Variants in PPT1 observed in about 807,000 individuals in gnomAD.
The protein encoded by PPT1 is palmitoyl-protein thioesterase 1, also known as ceroid-palmitoyl-palmitoyl-protein thioesterase 1.
Under a neutral mutation model 44.0 loss-of-function variants are expected in PPT1, and 24 were observed. The ratio of observed to expected loss-of-function variants is 0.54; its 90% CI spans 0.39 to 0.77. PPT1 has a LOEUF of 0.77. PPT1 is among the 30% of genes least tolerant of loss of function. The probability of loss-of-function intolerance (pLI) is 0.00; values close to 1 mark genes in which losing one functional copy is unlikely to be tolerated. For missense variants in PPT1, 341 were observed against 378.8 expected, an observed-to-expected ratio of 0.90 and a Z score of 0.83; for synonymous variants, 148 against 140.2, an observed-to-expected ratio of 1.06 and a Z score of -0.39.
At chr1:40,085,193 A>G (rs1215563286) in intron 5 of PPT1, among the ~76,000 whole-genome samples, 1 of 152,182 alleles carries the variant, frequency 6.6e-6, no homozygotes, top group Admixed American at 6.5e-5. Flanking sequence ...CCTTTTAGAT[A>G]GCAGTAGCAA....
At chr1:40,097,042 C>T (rs907585083) in intron 1 of PPT1, 73 bp downstream of exon 1, 9 of 1,613,216 alleles carry the variant, frequency 5.6e-6, no homozygotes, top group Non-Finnish European at 7.6e-6. Context: ...TCTACACCCG[C>T]ATTTTGCAGA....
At chr1:40,085,910 T>C (rs538759152) in intron 5 of PPT1, among the ~76,000 whole-genome samples, 66 of 152,320 alleles carry the variant, frequency 4.3e-4, no homozygotes, top group African/African-American at 1.6e-3. Flanking sequence ...ACTCTCTAAC[T>C]TTTTTGAATG....
chr1:40,085,979 G>C (rs1649238642), intron 5 of PPT1, among the ~76,000 whole-genome samples: 1 of 152,178 alleles, frequency 6.6e-6, no homozygotes, highest in Non-Finnish European at 1.5e-5. Flanking sequence ...AAACCAAGTT[G>C]CAAGTTCATC....
chr1:40,093,774 C>T (rs895437106), intron 1 of PPT1, among the ~76,000 whole-genome samples: 2 of 149,038 alleles, frequency 1.3e-5, no homozygotes, highest in Non-Finnish European at 3.0e-5. Context: ...AGTCCCGCTA[C>T]TTGGGGGGCT....
intron 5 of PPT1, among the ~76,000 whole-genome samples, chr1:40,080,826 A>C (rs1258078766): frequency 1.3e-5 from 2 of 152,176 alleles, no homozygotes; most frequent in Admixed American, 1.3e-4. Flanking sequence ...GTGAGCTGAG[A>C]TCGCAGCACT....
chr1:40,071,860 T>C (rs149404196), downstream of PPT1: 137 of 445,700 alleles, frequency 3.1e-4, 1 homozygote, highest in African/African-American at 2.3e-3. Context: ...AAACAGTCCA[T>C]TGGAAAGAAA....
rs117284255 is a variant in PPT1 at position 40,091,403 on chromosome 1, C to T, written c.363-4G>A. On this transcript the variant is annotated splice_polypyrimidine_tract_variant and splice_region_variant and intron_variant, in intron 3 of 8. Transcript: ENST00000642050. ...GCATCTCTGAGCCACTGCCCTCCTACGGAATAAAAGGGAGTTTTAGCTCCG... is the reference window on the plus strand; with the variant it reads ...GCATCTCTGAGCCACTGCCCTCCTATGGAATAAAAGGGAGTTTTAGCTCCG... The T allele has an allele frequency of 3.7e-3, 6,010 of 1,612,342 alleles. 106 individuals carry two copies. In the East Asian group the frequency reaches 0.041, roughly 11 times the overall value.
chr1:40,071,560 T>G, downstream of PPT1: 1 of 1,402,692 alleles, frequency 7.1e-7, no homozygotes, highest in Non-Finnish European at 1.0e-6. Flanking sequence ...TTCTTTGCCC[T>G]CCCTTCACAC....
chr1:40,092,281 AG>A, intron 2 of PPT1, 109 bp from the exon 3 acceptor site: 1 of 1,545,910 alleles, frequency 6.5e-7, no homozygotes, highest in Non-Finnish European at 8.9e-7. Flanking sequence ...GAGCCACTCA[AG>A]GGTGAAAGTA....
chr1:40,095,754 T>C (rs994924257), intron 1 of PPT1, among the ~76,000 whole-genome samples: 3 of 152,176 alleles, frequency 2.0e-5, no homozygotes, highest in Non-Finnish European at 4.4e-5. Context: ...TCATCATCTC[T>C]TGTTTAAATT....
In PPT1 at chr1:40,080,418, C is replaced by T. The variant is rs1648867914; in HGVS notation, c.606G>A (p.Leu202=). 2 of 1,613,870 alleles carry T rather than the reference C, an allele frequency of 1.2e-6. No individual in the cohort carries two copies. The highest frequency in any genetic ancestry group is 2.7e-5 in the African/African-American group (2 of 74,868). Residue 202 remains leucine, a synonymous_variant, in exon 6 of 9, where the codon TTG becomes TTA. Coordinates refer to ENST00000642050, the MANE Select transcript of PPT1 (RefSeq NM_000310.4). ...TTACCCGCTCCTGATTTATATCTGC[C>T]AAGAAGATGCTGTGGTTGCGATACA... is the stretch of plus-strand genomic sequence containing the variant. The part of the protein sequence containing the change: ...EDVYRNHSIF[L]ADINQERGIN...
Position 40,073,807 on chromosome 1 carries a change from C to T in PPT1, c.*254G>A. 1 of 511,708 alleles carries T rather than the reference C, an allele frequency of 2.0e-6. No homozygotes were observed. The highest frequency in any genetic ancestry group is 3.3e-5 in the Admixed American group (1 of 30,740). 31.7% of individuals were successfully genotyped at this position (511,708 alleles called of 1,614,324 possible). On this transcript the variant is annotated 3_prime_UTR_variant, in exon 9 of 9. Transcript: ENST00000642050. ...CTGGAACAGACTCCCTTTTCTAAAA[C>T]TGAACTTGACCACATCAAAAGTTTG...
intron 5 of PPT1, among the ~76,000 whole-genome samples, chr1:40,085,211 G>C (rs937555142): frequency 1.3e-5 from 2 of 152,172 alleles, no homozygotes; most frequent in Non-Finnish European, 2.9e-5. Flanking sequence ...CAAAATTAGT[G>C]AAAGTACTAA....
At chr1:40,074,592 T>C (rs900597914) in intron 8 of PPT1, among the ~76,000 whole-genome samples, 4 of 151,822 alleles carry the variant, frequency 2.6e-5, no homozygotes, top group African/African-American at 7.3e-5. Flanking sequence ...CTCTGCCTCA[T>C]GAGTAGCTGG....
In PPT1 at chr1:40,087,576, C is replaced by G. The variant is rs933480155; in HGVS notation, c.536+1834G>C. ...TATTTAGGTGTCACTTGTCACCCCC[C>G]GACGGACTGCTCACTTAGCATCACT... On this transcript the variant is annotated intron_variant, in intron 5 of 8. Transcript: ENST00000642050. Among the ~76,000 whole-genome samples the G allele has an allele frequency of 7.2e-5, 11 of 152,056 alleles. No individual in the cohort carries two copies. In the South Asian group the frequency reaches 1.2e-3, roughly 17 times the overall value.
At chr1:40,081,309 G>A (rs1168134893) in intron 5 of PPT1, among the ~76,000 whole-genome samples, 5 of 152,100 alleles carry the variant, frequency 3.3e-5, no homozygotes, top group Non-Finnish European at 7.3e-5. Context: ...GCCAAGGCGG[G>A]CAGATCGCCT....
intron 1 of PPT1, chr1:40,096,882 A>T: frequency 1.5e-6 from 1 of 686,986 alleles, no homozygotes; most frequent in Non-Finnish European, 2.4e-6. Context: ...AGCATGTAAA[A>T]CTTCAACGCC....
At chr1:40,090,663 A>G (rs1649517626) in intron 4 of PPT1, among the ~76,000 whole-genome samples, 1 of 152,164 alleles carries the variant, frequency 6.6e-6, no homozygotes, top group African/African-American at 2.4e-5. Flanking sequence ...ATTTCACTTT[A>G]TCCTCTGAAA....
intron 1 of PPT1, among the ~76,000 whole-genome samples, chr1:40,094,647 C>T (rs781459628): frequency 4.6e-5 from 7 of 152,112 alleles, no homozygotes; most frequent in African/African-American, 7.2e-5. Context: ...GAACTAGGAA[C>T]AGGAAGCAAA....
Sources: allele counts gnomAD v4.1 joint callset (sites outside exome capture counted in the v4.1 genomes callset), GRCh38; gene constraint gnomAD v4.1.1; transcripts MANE v1.5; gene names NCBI Gene and HGNC (gene_info 2026-07-23, HGNC 2026-07-21).